The following FAM177A1 variants were observed in gnomAD, a reference collection of about 807,000 sequenced individuals.
FAM177A1 encodes protein FAM177A1.
A neutral mutation model predicts 26.1 loss-of-function variants in FAM177A1; 22 were observed. The ratio of observed to expected loss-of-function variants is 0.84; its 90% CI spans 0.60 to 1.20. The LOEUF (loss-of-function observed/expected upper bound fraction) is 1.20. Ranked by LOEUF, FAM177A1 falls within the 50% of genes most tolerant of loss-of-function variation. The probability of loss-of-function intolerance (pLI) is 0.00; values close to 1 mark genes in which losing one functional copy is unlikely to be tolerated. For synonymous variants in FAM177A1, 95 were observed against 99.3 expected, an observed-to-expected ratio of 0.96 and a Z score of 0.26; for missense variants, 296 against 291.1, an observed-to-expected ratio of 1.02 and a Z score of -0.12.
chr14:35,067,622 C>T (rs1203420359), intron 2 of FAM177A1, among the ~76,000 whole-genome samples: 3 of 152,124 alleles, frequency 2.0e-5, no homozygotes, highest in African/African-American at 7.2e-5. Flanking sequence ...TCCAAAATGG[C>T]TGTACTGATT....
chr14:35,080,912 CTTTTTTTTTTT>C (rs71435851), intron 4 of FAM177A1, 99 bp from the exon 5 acceptor site: 1 of 1,079,456 alleles, frequency 9.3e-7, no homozygotes. Flanking sequence ...GAACATGACA[CTTTTTTTTTTT>C]TTTTTTTTTA....
chr14:35,064,167 C>G (rs1033302769), intron 2 of FAM177A1, among the ~76,000 whole-genome samples: 7 of 151,324 alleles, frequency 4.6e-5, no homozygotes, highest in African/African-American at 1.7e-4. Flanking sequence ...GTGGGCAGAT[C>G]ACTGAGGTCA....
intron 1 of FAM177A1, 117 bp downstream of exon 1, chr14:35,046,745 G>A: frequency 7.1e-7 from 1 of 1,415,074 alleles, no homozygotes; most frequent in Non-Finnish European, 9.2e-7. Context: ...CAGCTTTGGA[G>A]TTCCTCCTCA....
At chr14:35,064,135 C>T (rs1457484967) in intron 2 of FAM177A1, among the ~76,000 whole-genome samples, 1 of 151,548 alleles carries the variant, frequency 6.6e-6, no homozygotes, top group Non-Finnish European at 1.5e-5. Context: ...CACCTGTAAT[C>T]CCAGCACTTT....
intron 2 of FAM177A1, among the ~76,000 whole-genome samples, chr14:35,063,720 A>G (rs1295595061): frequency 1.3e-5 from 2 of 152,114 alleles, no homozygotes; most frequent in Non-Finnish European, 2.9e-5. Context: ...ATTTTGAAAT[A>G]TCAAGTTTAA....
intron 2 of FAM177A1, among the ~76,000 whole-genome samples, chr14:35,069,892 T>G (rs2045291519): frequency 6.6e-6 from 1 of 151,082 alleles, no homozygotes; most frequent in African/African-American, 2.4e-5. Context: ...CCGAGGCGGA[T>G]AGATCACGAA....
chr14:35,061,044 TAAATTA>T (rs529554457), intron 2 of FAM177A1, among the ~76,000 whole-genome samples: 219 of 151,442 alleles, frequency 1.4e-3, no homozygotes, highest in African/African-American at 5.1e-3. Flanking sequence ...GACTAATCTA[TAAATTA>T]AAATTTATCA....
Position 35,055,175 on chromosome 14 carries a change from C to T in FAM177A1, c.339+1724C>T, listed in dbSNP as rs570579281. Among the ~76,000 whole-genome samples the T allele has an allele frequency of 3.0e-4, 42 of 142,132 alleles. No homozygotes were observed. In the South Asian group the frequency reaches 9.2e-3, roughly 31 times the overall value. 93.2% of individuals were successfully genotyped at this position (142,132 alleles called of 152,430 possible). ...AAAATTAGGCAGGCGTGATGGCAGG[C>T]GCCTGTAATCCCAGCTACTCAGGAG... On this transcript the variant is annotated intron_variant, in intron 2 of 4. Coordinates refer to ENST00000280987, the MANE Select transcript of FAM177A1 (RefSeq NM_173607.5).
chr14:35,073,957 A>T (rs2045358924), intron 2 of FAM177A1, among the ~76,000 whole-genome samples: 1 of 151,552 alleles, frequency 6.6e-6, no homozygotes, highest in Non-Finnish European at 1.5e-5. Flanking sequence ...ATGTGTGGGA[A>T]CTCATCTGCT....
chr14:35,047,763 A>G (rs1014473251), intron 1 of FAM177A1, among the ~76,000 whole-genome samples: 1 of 34,390 alleles, frequency 2.9e-5, no homozygotes. Context: ...AGCAACAACA[A>G]CAACAACAAC....
rs1463600315 is a variant in FAM177A1, at chr14:35,082,649, G to C, written c.*1421G>C. 1 of 151,930 alleles carries C rather than the reference G, an allele frequency of 6.6e-6. No homozygotes were observed. Among genetic ancestry groups the C allele is most frequent in the Non-Finnish European group, 1.5e-5 (1 of 68,018 alleles). The allele number at this position is 151,930 out of a possible 1,614,324, so 9.4% of individuals were successfully genotyped here. Reference sequence around the variant, plus strand: ...ATGTGGGTGAGGAAGAATGTGTGGAGTGTTTCAGAAATTTTGATCTTAAAA... The same window carrying C: ...ATGTGGGTGAGGAAGAATGTGTGGACTGTTTCAGAAATTTTGATCTTAAAA... On this transcript the variant is annotated 3_prime_UTR_variant, in exon 5 of 5. Coordinates refer to ENST00000280987, the MANE Select transcript of FAM177A1 (RefSeq NM_173607.5).
At chr14:35,046,905 G>T in intron 1 of FAM177A1, 1 of 1,241,512 alleles carries the variant, frequency 8.1e-7, no homozygotes, top group Non-Finnish European at 1.0e-6. Flanking sequence ...ACCAGAGGAA[G>T]AAGAAAGGCG....
At chr14:35,056,174 A>G (rs1464316286) in intron 2 of FAM177A1, among the ~76,000 whole-genome samples, 2 of 151,738 alleles carry the variant, frequency 1.3e-5, no homozygotes, top group African/African-American at 2.4e-5. Flanking sequence ...AGCTGGGACT[A>G]CAGAAACGCA....
chr14:35,072,912 AT>A (rs1252762892), intron 2 of FAM177A1, among the ~76,000 whole-genome samples: 2 of 152,118 alleles, frequency 1.3e-5, no homozygotes, highest in Admixed American at 1.3e-4. Flanking sequence ...TCTGTCGTAA[AT>A]CCTGTGAAGA....
chr14:35,073,545 A>G (rs2045353773), intron 2 of FAM177A1, among the ~76,000 whole-genome samples: 1 of 152,216 alleles, frequency 6.6e-6, no homozygotes, highest in South Asian at 2.1e-4. Context: ...GGCCAGGAGC[A>G]TTGTCCAATA....
intron 1 of FAM177A1, among the ~76,000 whole-genome samples, chr14:35,049,132 A>G (rs535946649): frequency 6.6e-5 from 10 of 152,008 alleles, no homozygotes; most frequent in South Asian, 2.1e-4. Context: ...CTTGTGATCC[A>G]CCTGCTGCCT....
At position 35,081,273 on chromosome 14, in the gene FAM177A1, TA is replaced by T; in HGVS notation, c.*47del. 2 of 1,527,108 alleles carry T rather than the reference TA, an allele frequency of 1.3e-6. No homozygotes were observed. Among genetic ancestry groups the T allele is most frequent in the East Asian group, 2.3e-5 (1 of 43,856 alleles). 94.6% of individuals were successfully genotyped at this position (1,527,108 alleles called of 1,614,324 possible). A position where few individuals can be genotyped will look rare whatever the true frequency, so the allele number is the denominator to read the frequency against. ...TTCAAACTCTTAAGTTTTTTTTTTT[TA>T]ATACAAAAACTTTCACATTCTTTAT... On this transcript the variant is annotated 3_prime_UTR_variant, in exon 5 of 5. Coordinates refer to ENST00000280987, the MANE Select transcript of FAM177A1 (RefSeq NM_173607.5).
chr14:35,047,396 A>T (rs1170657699), intron 1 of FAM177A1, among the ~76,000 whole-genome samples: 1 of 152,160 alleles, frequency 6.6e-6, no homozygotes, highest in Non-Finnish European at 1.5e-5. Context: ...GGCTGACCAC[A>T]TTTCAAGTGC....
chr14:35,072,970 G>A (rs374569218), intron 2 of FAM177A1, among the ~76,000 whole-genome samples: 23 of 152,290 alleles, frequency 1.5e-4, no homozygotes, highest in Middle Eastern at 6.8e-3. Flanking sequence ...AATTTGTTTC[G>A]TGTTGATGTC....
Sources: allele counts gnomAD v4.1 joint callset (sites outside exome capture counted in the v4.1 genomes callset), GRCh38; gene constraint gnomAD v4.1.1; transcripts MANE v1.5; gene names NCBI Gene and HGNC (gene_info 2026-07-23, HGNC 2026-07-21).